SELP: variants seen among roughly 807,000 people sequenced by gnomAD.
The protein encoded by SELP is selectin P.
SELP carries 92 observed loss-of-function variants against 104.1 expected under a neutral mutation model. That is an observed-to-expected ratio of 0.88 (90% CI 0.75 to 1.05). SELP has a LOEUF of 1.05. Among genes scored for constraint, SELP ranks in the 50% least tolerant of loss-of-function variants. SELP has a pLI of 0.00. For missense variants in SELP, 1,022 were observed against 1,017.3 expected, an observed-to-expected ratio of 1.00 and a Z score of -0.06; for synonymous variants, 397 against 364.5, an observed-to-expected ratio of 1.09 and a Z score of -1.01.
intron 3 of SELP, among the ~76,000 whole-genome samples, chr1:169,615,723 T>G (rs1442614108): frequency 1.3e-5 from 2 of 152,172 alleles, no homozygotes. Context: ...AAATGCATTA[T>G]TTATAAAGTA....
intron 7 of SELP, 25 bp downstream of exon 7, chr1:169,611,467 G>A: frequency 6.2e-7 from 1 of 1,610,646 alleles, no homozygotes; most frequent in Non-Finnish European, 8.5e-7. Context: ...TGGACAGAAT[G>A]GAGGTTGCTA....
Position 169,596,046 on chromosome 1 carries a change from T to C in SELP, c.1980A>G (p.Gly660=), listed in dbSNP as rs3917813. The C allele has an allele frequency of 1.6e-3, 2,584 of 1,613,866 alleles. 33 individuals carry two copies. In the African/African-American group the frequency reaches 0.025, roughly 16 times the overall value. ...AACAAGTGGTATTAAAACCAAAGGT[T>C]CCCGGATGATGCCTACAGTACATGG... ...QGTMYCRHHP[G]TFGFNTTCYF... Residue 660 remains glycine (G), a synonymous_variant, in exon 12 of 17, where the codon GGA becomes GGG. Transcript: ENST00000263686.
Position 169,603,231 on chromosome 1 carries a change from G to A in SELP, c.1520-20C>T. 6.3e-7 allele frequency: 1 copy of A among 1,599,222 alleles called. No individual in the cohort carries two copies. Among genetic ancestry groups the A allele is most frequent in the Non-Finnish European group, 8.5e-7 (1 of 1,169,786 alleles). Reference sequence around the variant, plus strand: ...GAATGGCTATCATGGGCATGGCAGAGGAGAAAAGAAGAGATCATTTTATAA... The same window carrying A: ...GAATGGCTATCATGGGCATGGCAGAAGAGAAAAGAAGAGATCATTTTATAA... On this transcript the variant is annotated intron_variant, in intron 9 of 16. Coordinates refer to ENST00000263686, the MANE Select transcript of SELP (RefSeq NM_003005.4).
intron 9 of SELP, among the ~76,000 whole-genome samples, 162 bp from the exon 10 acceptor site, chr1:169,603,373 G>A (rs1483472734): frequency 6.7e-6 from 1 of 149,326 alleles, no homozygotes; most frequent in African/African-American, 2.5e-5. Context: ...GATGGTATTT[G>A]GCTAAAAGTG....
At chr1:169,630,010 C>G (rs539338054) in intron 1 of SELP, 62 bp downstream of exon 1, 2 of 1,609,724 alleles carry the variant, frequency 1.2e-6, no homozygotes, top group Admixed American at 1.7e-5. Flanking sequence ...ACCTGCCTGA[C>G]TTTACTCCAT....
At chr1:169,598,544 T>A (rs1661742791) in intron 10 of SELP, among the ~76,000 whole-genome samples, 1 of 152,246 alleles carries the variant, frequency 6.6e-6, no homozygotes, top group Admixed American at 6.5e-5. Context: ...TCTCAAATTG[T>A]TGAGTAATTA....
intron 14 of SELP, chr1:169,591,681 C>T: frequency 2.8e-6 from 1 of 357,950 alleles, no homozygotes. Context: ...TCACTTTCTT[C>T]CTCCTTCCTT....
At chr1:169,605,855 G>A (rs535861463) in intron 9 of SELP, among the ~76,000 whole-genome samples, 1 of 152,068 alleles carries the variant, frequency 6.6e-6, no homozygotes, top group South Asian at 2.1e-4. Context: ...TTAAAAAGCA[G>A]CATTGTCTAT....
intron 3 of SELP, among the ~76,000 whole-genome samples, chr1:169,615,228 T>C (rs1662745584): frequency 6.6e-6 from 1 of 152,192 alleles, no homozygotes; most frequent in African/African-American, 2.4e-5. Context: ...ACAGTAAATA[T>C]ATCTATTTCT....
In SELP at chr1:169,594,624, A is replaced by C. The variant is rs1571620853; in HGVS notation, c.2287+68T>G. 8 of 1,485,920 alleles carry C rather than the reference A, an allele frequency of 5.4e-6. 2 individuals carry two copies. Among genetic ancestry groups the C allele is most frequent in the Non-Finnish European group, 9.3e-7 (1 of 1,079,238 alleles). The allele number at this position is 1,485,920 out of a possible 1,614,324, so 92.0% of individuals were successfully genotyped here. On this transcript the variant is annotated intron_variant, in intron 13 of 16. Coordinates refer to ENST00000263686, the MANE Select transcript of SELP (RefSeq NM_003005.4). ...AGCAAGACCACTATGAGAAAGACACAGGGAAGAAACACTGATTTTGTTATT... is the reference window on the plus strand; with the variant it reads ...AGCAAGACCACTATGAGAAAGACACCGGGAAGAAACACTGATTTTGTTATT...
At chr1:169,623,498 A>C (rs971454305) in intron 1 of SELP, among the ~76,000 whole-genome samples, 1 of 152,204 alleles carries the variant, frequency 6.6e-6, no homozygotes, top group Admixed American at 6.5e-5. Context: ...AACTTTTTTT[A>C]AGCAAAATTT....
chr1:169,596,951 T>A, intron 11 of SELP, 40 bp downstream of exon 11: 1 of 1,522,774 alleles, frequency 6.6e-7, no homozygotes. Context: ...TAGAATAAAT[T>A]TCCAAAAGTA....
At position 169,612,248 on chromosome 1, in the gene SELP, C is replaced by A. The variant is rs774115261; in HGVS notation, c.930G>T (p.Gly310=). The A allele has an allele frequency of 1.2e-6, 2 of 1,613,954 alleles. No individual in the cohort carries two copies. Among genetic ancestry groups the A allele is most frequent in the African/African-American group, 2.7e-5 (2 of 74,892 alleles). ...GPEVVQCTAS[G]VWTAPAPVCK... is the part of the protein sequence containing the mutation. ...ACACTGGGGCTGGGGCTGTCCATAC[C>A]CCCGAGGCTGTGCATTGCACCACTT... The change falls in exon 6 of 17, where the codon GGG becomes GGT. Residue 310 remains glycine, a synonymous_variant. Transcript: ENST00000263686.
intron 10 of SELP, 30 bp from the exon 11 acceptor site, chr1:169,597,206 C>T: frequency 6.6e-7 from 1 of 1,522,326 alleles, no homozygotes. Flanking sequence ...GTGTCACAAT[C>T]TCCAAGTTTA....
chr1:169,606,505 A>T (rs1223591169), intron 9 of SELP, among the ~76,000 whole-genome samples: 1 of 152,166 alleles, frequency 6.6e-6, no homozygotes, highest in Non-Finnish European at 1.5e-5. Context: ...GCAACTGGGT[A>T]CTTGTAAATT....
chr1:169,598,687 A>G (rs895052908), intron 10 of SELP, among the ~76,000 whole-genome samples: 1 of 152,242 alleles, frequency 6.6e-6, no homozygotes, highest in Non-Finnish European at 1.5e-5. Context: ...TCCCAGAATT[A>G]CAACTTTAAA....
At chr1:169,601,984 A>C (rs1419389979) in intron 10 of SELP, among the ~76,000 whole-genome samples, 1 of 152,190 alleles carries the variant, frequency 6.6e-6, no homozygotes, top group Non-Finnish European at 1.5e-5. Context: ...GCTATGAATT[A>C]ATTAATTCAG....
chr1:169,597,585 A>G (rs565104567), intron 10 of SELP, among the ~76,000 whole-genome samples: 6 of 152,284 alleles, frequency 3.9e-5, no homozygotes, highest in Admixed American at 2.0e-4. Flanking sequence ...GCTCCCATAT[A>G]TCATGCCATC....
At chr1:169,611,828 T>C (rs1662553088) in intron 6 of SELP, 151 bp from the exon 7 acceptor site, 3 of 755,482 alleles carry the variant, frequency 4.0e-6, no homozygotes. Flanking sequence ...AGACTTGGAT[T>C]ACCAGTTCCC....
Sources: allele counts gnomAD v4.1 joint callset (sites outside exome capture counted in the v4.1 genomes callset), GRCh38; gene constraint gnomAD v4.1.1; transcripts MANE v1.5; gene names NCBI Gene and HGNC (gene_info 2026-07-23, HGNC 2026-07-21).